The following ATRNL1 variants were observed in gnomAD, a reference collection of about 807,000 sequenced individuals.
ATRNL1 encodes the protein attractin like 1, also known as attractin-like protein 1.
In ATRNL1, 95 loss-of-function variants were observed where a neutral mutation model predicts 182.7. The observed-to-expected ratio is 0.52, with a 90% CI of 0.44 to 0.62. ATRNL1 has a LOEUF of 0.62. Among genes scored for constraint, ATRNL1 ranks in the 20% least tolerant of loss-of-function variants. The pLI, the probability that ATRNL1 is intolerant of heterozygous loss-of-function variation, is 0.00. For missense variants in ATRNL1, 1,471 were observed against 1,679.5 expected, an observed-to-expected ratio of 0.88 and a Z score of 2.17; for synonymous variants, 576 against 568.3, an observed-to-expected ratio of 1.01 and a Z score of -0.19.
At chr10:115,707,530 A>G (rs1431494391) in intron 26 of ATRNL1, among the ~76,000 whole-genome samples, 1 of 151,728 alleles carries the variant, frequency 6.6e-6, no homozygotes, top group Non-Finnish European at 1.5e-5. Flanking sequence ...CCCAAGCCAA[A>G]GTAAACATTA....
chr10:115,830,949 C>T (rs1344905035), intron 27 of ATRNL1, among the ~76,000 whole-genome samples: 2 of 151,448 alleles, frequency 1.3e-5, no homozygotes, highest in Admixed American at 6.6e-5. Context: ...CAACACAGAG[C>T]AGGCCTTGCC....
At chr10:115,510,737 G>A (rs1165856529) in intron 24 of ATRNL1, among the ~76,000 whole-genome samples, 1 of 151,984 alleles carries the variant, frequency 6.6e-6, no homozygotes, top group Non-Finnish European at 1.5e-5. Context: ...TTTGACTGCA[G>A]TGTTAATGCT....
intron 18 of ATRNL1, among the ~76,000 whole-genome samples, chr10:115,324,741 G>T (rs1358352713): frequency 6.6e-6 from 1 of 152,118 alleles, no homozygotes; most frequent in Non-Finnish European, 1.5e-5. Context: ...CAGTTGATAG[G>T]ATCATTTTAT....
chr10:115,389,175 C>T (rs1257556147), intron 19 of ATRNL1, among the ~76,000 whole-genome samples: 2 of 151,896 alleles, frequency 1.3e-5, no homozygotes, highest in East Asian at 1.9e-4. Context: ...TCTTTTTGTG[C>T]CTGGTTTATT....
intron 24 of ATRNL1, among the ~76,000 whole-genome samples, chr10:115,512,330 C>T (rs1310406770): frequency 6.6e-6 from 1 of 151,752 alleles, no homozygotes; most frequent in Non-Finnish European, 1.5e-5. Flanking sequence ...AAGATGGTAT[C>T]ATTTTTAATA....
chr10:115,916,579 A>G (rs1565484801), intron 28 of ATRNL1, among the ~76,000 whole-genome samples: 1 of 152,346 alleles, frequency 6.6e-6, no homozygotes, highest in East Asian at 1.9e-4. Flanking sequence ...TGGCTGCACG[A>G]TAAATTTCTG....
At chr10:115,507,342 A>C (rs1326126040) in intron 24 of ATRNL1, among the ~76,000 whole-genome samples, 2 of 151,996 alleles carry the variant, frequency 1.3e-5, no homozygotes, top group African/African-American at 4.8e-5. Context: ...CTCAAGTGTT[A>C]CATCTCTAGT....
intron 1 of ATRNL1, chr10:115,096,688 G>A (rs1554863225): frequency 8.5e-6 from 11 of 1,288,804 alleles, no homozygotes; most frequent in Non-Finnish European, 1.0e-5. Flanking sequence ...TGTTTCTTGA[G>A]GATAGAAGAT....
At chr10:115,539,131 C>T (rs1293758865) in intron 25 of ATRNL1, among the ~76,000 whole-genome samples, 13 of 152,214 alleles carry the variant, frequency 8.5e-5, no homozygotes, top group Admixed American at 5.2e-4. Flanking sequence ...TAGTAAGTGA[C>T]ACATGACTGT....
At chr10:115,293,110 T>G (rs540362464) in intron 15 of ATRNL1, among the ~76,000 whole-genome samples, 4 of 152,294 alleles carry the variant, frequency 2.6e-5, no homozygotes, top group Admixed American at 6.5e-5. Flanking sequence ...ATAATATGCT[T>G]CTTTATCTCT....
chr10:115,364,013 A>G (rs1200054934), intron 19 of ATRNL1, among the ~76,000 whole-genome samples: 25 of 151,624 alleles, frequency 1.6e-4, no homozygotes, highest in African/African-American at 2.7e-4. Flanking sequence ...CTCTTTTTTG[A>G]TTCCATATGA....
intron 20 of ATRNL1, among the ~76,000 whole-genome samples, chr10:115,408,687 G>A (rs1844983851): frequency 6.6e-6 from 1 of 151,788 alleles, no homozygotes; most frequent in Non-Finnish European, 1.5e-5. Context: ...TTTTCTAGTA[G>A]TTTTATTGTT....
intron 27 of ATRNL1, among the ~76,000 whole-genome samples, chr10:115,841,402 CAT>C (rs1238894082): frequency 4.6e-5 from 7 of 152,082 alleles, no homozygotes; most frequent in African/African-American, 1.4e-4. Context: ...TGTTTGTGTA[CAT>C]GTGTGTGTTT....
In ATRNL1 at chr10:115,171,076, G is replaced by T. The variant is rs868925569; in HGVS notation, c.1132G>T (p.Asp378Tyr). The T allele has an allele frequency of 1.3e-6, 2 of 1,580,784 alleles. No homozygotes were observed. The highest frequency in any genetic ancestry group is 2.3e-5 in the East Asian group (1 of 44,072). The change falls in exon 8 of 29, where the codon GAT (aspartate) becomes TAT (tyrosine). Residue 378 changes from aspartate to tyrosine, a missense_variant. Around this residue, in one of 3 missense-constraint regions of ATRNL1, gnomAD observed 1,031 missense variants for 1,156.0 expected, o/e 0.89. Transcript: ENST00000355044. ...FMYGGRIETN[D>Y]GNVTDELWVF... ...GTATGGAGGCAGAATTGAAACAAAT[G>T]ATGGCAATGTCACAGATGAATTATG...
chr10:115,557,273 CAG>C (rs1202715749), intron 26 of ATRNL1, among the ~76,000 whole-genome samples: 10 of 152,058 alleles, frequency 6.6e-5, no homozygotes, highest in African/African-American at 2.4e-4. Context: ...CATGAGGAAA[CAG>C]AGCTGAGTAG....
At chr10:115,266,344 C>T (rs1326379447) in intron 11 of ATRNL1, among the ~76,000 whole-genome samples, 4 of 151,612 alleles carry the variant, frequency 2.6e-5, no homozygotes, top group African/African-American at 9.6e-5. Context: ...AATTCTGTGT[C>T]TATATTGAAA....
intron 27 of ATRNL1, among the ~76,000 whole-genome samples, chr10:115,829,759 A>C (rs1439589111): frequency 6.6e-6 from 1 of 152,114 alleles, no homozygotes; most frequent in Non-Finnish European, 1.5e-5. Context: ...AAGCAGAAAA[A>C]AATCAACACT....
chr10:115,674,129 CAATAATGCTTACCAAATATT>C (rs1555042228), intron 26 of ATRNL1, among the ~76,000 whole-genome samples: 2 of 152,022 alleles, frequency 1.3e-5, no homozygotes, highest in Admixed American at 1.3e-4. Flanking sequence ...GCCACAGAGA[CAATAATGCTTACCAAATATT>C]CTATGCACAC....
intron 27 of ATRNL1, among the ~76,000 whole-genome samples, chr10:115,841,818 T>C (rs1950816388): frequency 6.6e-6 from 1 of 152,122 alleles, no homozygotes; most frequent in African/African-American, 2.4e-5. Flanking sequence ...GAATCTGTTT[T>C]TGAAATCTGG....
Sources: gnomAD v4.1 joint callset for allele counts (sites outside exome capture counted in the v4.1 genomes callset) on GRCh38, gnomAD v4.1.1 for gene constraint, gnomAD v4.1.1 regional missense constraint, MANE v1.5 for transcripts, NCBI Gene and HGNC (gene_info 2026-07-23, HGNC 2026-07-21) for gene names.